CROCC: variants seen among roughly 807,000 people sequenced by gnomAD.
CROCC encodes ciliary rootlet coiled-coil, rootletin.
CROCC carries 180 observed loss-of-function variants against 245.2 expected under a neutral mutation model. The ratio of observed to expected loss-of-function variants is 0.73; its 90% CI spans 0.65 to 0.83. CROCC has a LOEUF of 0.83. Ranked by LOEUF, CROCC falls within the 40% of genes least tolerant of loss-of-function variation. The probability of loss-of-function intolerance (pLI) is 0.00; values close to 1 mark genes in which losing one functional copy is unlikely to be tolerated. For missense variants in CROCC, 2,688 were observed against 2,779.4 expected, an observed-to-expected ratio of 0.97 and a Z score of 0.74; for synonymous variants, 1,205 against 1,241.6, an observed-to-expected ratio of 0.97 and a Z score of 0.62.
intron 1 of CROCC, among the ~76,000 whole-genome samples, 186 bp downstream of exon 1, chr1:16,922,264 C>T (rs1341493778): frequency 6.6e-6 from 1 of 152,248 alleles, no homozygotes; most frequent in East Asian, 1.9e-4. Flanking sequence ...CAGGGTGCAC[C>T]TGCTGTGGCT....
At position 16,953,523 on chromosome 1, in the gene CROCC, C is replaced by T. The variant is rs373561650; in HGVS notation, c.3186+42C>T. On this transcript the variant is annotated intron_variant, in intron 21 of 36. Coordinates refer to ENST00000375541, the MANE Select transcript of CROCC (RefSeq NM_014675.5). ...ATGGCCTCTGCTGCTCTCTGAGCTG[C>T]TCCAGTTCTGGGGCCGGGCCCTGCT... The T allele has an allele frequency of 3.2e-4, 490 of 1,543,332 alleles. No individual in the cohort carries two copies. In the East Asian group the frequency reaches 4.9e-3, roughly 15 times the overall value.
intron 31 of CROCC, among the ~76,000 whole-genome samples, chr1:16,968,716 A>G (rs934203904): frequency 5.3e-5 from 8 of 152,242 alleles, no homozygotes; most frequent in African/African-American, 1.9e-4. Flanking sequence ...CTTGACTGCT[A>G]GGAAGCTCAG....
chr1:16,963,562 C>A (rs2076368121), intron 27 of CROCC, among the ~76,000 whole-genome samples: 1 of 152,154 alleles, frequency 6.6e-6, no homozygotes, highest in Non-Finnish European at 1.5e-5. Flanking sequence ...TGACCAAGTT[C>A]ATGGCTGCGG....
rs151015265 is a variant in CROCC at position 16,958,654 on chromosome 1, G to A, written c.3936G>A (p.Leu1312=). Residue 1312 remains leucine, a synonymous_variant, in exon 26 of 37, where the codon CTG becomes CTA. Coordinates refer to ENST00000375541, the MANE Select transcript of CROCC (RefSeq NM_014675.5). ...ELAELQGRLA[L]GERAEKESRR... The stretch of plus-strand genomic sequence containing the variant: ...CGGAGCTGCAGGGCCGCCTGGCGCT[G>A]GGCGAGCGGGCAGAGAAGGAGAGCA... 1.3e-4 allele frequency: 199 copies of A among 1,555,616 alleles called. 1 individual carries two copies. In the Middle Eastern group the frequency reaches 2.7e-3, roughly 21 times the overall value.
chr1:16,946,511 T>C, intron 16 of CROCC, 106 bp downstream of exon 16: 1 of 1,450,800 alleles, frequency 6.9e-7, no homozygotes, highest in Non-Finnish European at 9.4e-7. Flanking sequence ...TGCCTCCCTT[T>C]CTGTCCCTGG....
Position 16,971,505 on chromosome 1 carries a change from A to C in CROCC, c.5825A>C (p.Gln1942Pro). The C allele has an allele frequency of 6.5e-7, 1 of 1,537,156 alleles. No homozygotes were observed. The highest frequency in any genetic ancestry group is 8.7e-7 in the Non-Finnish European group (1 of 1,146,460). Reference sequence around the variant, plus strand: ...CTGGAGCAGAGCCACAGCCCGGCCCAGCTGGAGGTGGATGCGCAGCAGCAG... The same window carrying C: ...CTGGAGCAGAGCCACAGCCCGGCCCCGCTGGAGGTGGATGCGCAGCAGCAG... Reference protein sequence around the residue: ...VVLEQSHSPAQLEVDAQQQQL... With the variant: ...VVLEQSHSPAPLEVDAQQQQL... Residue 1942 changes from glutamine (Q) to proline (P), a missense_variant, in exon 36 of 37, where the codon CAG becomes CCG. Physicochemically the swap from Gln to Pro is moderately conservative, Grantham distance 76. This residue lies in a region of CROCC where 1,218 missense variants were observed against 1,286.3 expected (regional missense o/e 0.95). Coordinates refer to ENST00000375541, the MANE Select transcript of CROCC (RefSeq NM_014675.5).
At chr1:16,945,232 CA>C (rs1358134399) in intron 14 of CROCC, among the ~76,000 whole-genome samples, 1 of 152,240 alleles carries the variant, frequency 6.6e-6, no homozygotes, top group Non-Finnish European at 1.5e-5. Flanking sequence ...GACTGTGTCT[CA>C]AAAAAACAAA....
chr1:16,924,361 C>A lies in CROCC; in HGVS notation c.233C>A (p.Ser78Ter). The A allele has an allele frequency of 6.2e-7, 1 of 1,613,164 alleles. No individual in the cohort carries two copies. The highest frequency in any genetic ancestry group is 1.1e-5 in the South Asian group (1 of 91,032). The change falls in exon 3 of 37, where the codon TCG (serine) becomes TAG (stop). Residue 78 changes from serine to a stop codon, truncating the protein, a stop_gained. Coordinates refer to ENST00000375541, the MANE Select transcript of CROCC (RefSeq NM_014675.5). LOFTEE classifies it high-confidence loss of function. ...GCCACAGAGATGGCATCGCTGCTGTCGCTGCAGGAGGAGAACCAGCTGCTG... is the reference window on the plus strand; with the variant it reads ...GCCACAGAGATGGCATCGCTGCTGTAGCTGCAGGAGGAGAACCAGCTGCTG... ...LPATEMASLL[S>*]LQEENQLLQQ...
chr1:16,919,749 TTTG>T (rs1456738782), upstream of CROCC, among the ~76,000 whole-genome samples: 1 of 152,276 alleles, frequency 6.6e-6, no homozygotes, highest in Non-Finnish European at 1.5e-5. Context: ...GTCGCATTTT[TTTG>T]TTGTTTTTGG....
rs2100477137 is a variant in CROCC at position 16,948,935 on chromosome 1, G to A, written c.2836+9G>A. On this transcript the variant is annotated intron_variant, in intron 19 of 36. Coordinates refer to ENST00000375541, the MANE Select transcript of CROCC (RefSeq NM_014675.5). ...CAAGGAGACCCTGACTGGTACGAGG[G>A]GCTGGGGACTTGGGGGGAACACCAG... is the stretch of plus-strand genomic sequence containing the variant. The A allele has an allele frequency of 6.2e-7, 1 of 1,610,794 alleles. No individual in the cohort carries two copies. The highest frequency in any genetic ancestry group is 1.1e-5 in the South Asian group (1 of 90,866).
At position 16,926,306 on chromosome 1, in the gene CROCC, T is replaced by C. The variant is rs557551624; in HGVS notation, c.351+1827T>C. On this transcript the variant is annotated intron_variant, in intron 3 of 36. Coordinates refer to ENST00000375541, the MANE Select transcript of CROCC (RefSeq NM_014675.5). ...AGCCTAGAGATCACCTCATCACAGA[T>C]AGGGAAAGTAAGTCCGGGAGAGGGG... Among the ~76,000 whole-genome samples, 50 of 152,340 alleles carry C rather than the reference T, an allele frequency of 3.3e-4. No homozygotes were observed. In the South Asian group the frequency reaches 0.01, roughly 31 times the overall value.
rs112460140 is a variant in CROCC at position 16,968,651 on chromosome 1, T to C, written c.5076+233T>C. 8.1e-3 allele frequency among the ~76,000 whole-genome samples: 1,232 copies of C among 152,320 alleles called. 20 individuals are homozygous for C. Among genetic ancestry groups the C allele is most frequent in the African/African-American group, 0.028 (1,181 of 41,578 alleles). ...TATTTGATGACAGCATCTGCATACA[T>C]AGGAGTCATCTGGGACAAGTTAGAG... is the stretch of plus-strand genomic sequence containing the variant. On this transcript the variant is annotated intron_variant, in intron 31 of 36. Coordinates refer to ENST00000375541, the MANE Select transcript of CROCC (RefSeq NM_014675.5).
At chr1:16,930,382 G>T in intron 6 of CROCC, 35 bp downstream of exon 6, 10 of 1,610,974 alleles carry the variant, frequency 6.2e-6, no homozygotes, top group Non-Finnish European at 8.5e-6. Context: ...GGGCTGGCAG[G>T]ATGGCCCCCT....
Position 16,954,318 on chromosome 1 carries a change from G to A in CROCC, c.3282G>A (p.Arg1094=). Residue 1094 remains arginine, a synonymous_variant, in exon 22 of 37, where the codon CGG becomes CGA. Coordinates refer to ENST00000375541, the MANE Select transcript of CROCC (RefSeq NM_014675.5). This position sits in a 1 kb window ranked among gnomAD's most constrained non-coding sequence, Gnocchi z 4.4. ...CCACCATCTCCCTGGAGATGGAGCG[G>A]CAGAAACGAGATGCCCAGAGCCGGC... is the stretch of plus-strand genomic sequence containing the variant. The part of the protein sequence containing the change: ...SLATISLEME[R]QKRDAQSRQE... The A allele has an allele frequency of 6.2e-7, 1 of 1,612,062 alleles. No individual in the cohort carries two copies. Among genetic ancestry groups the A allele is most frequent in the Non-Finnish European group, 8.5e-7 (1 of 1,179,926 alleles).
chr1:16,960,675 G>A, intron 26 of CROCC, 83 bp from the exon 27 acceptor site: 1 of 1,372,016 alleles, frequency 7.3e-7, no homozygotes, highest in Non-Finnish European at 9.4e-7. Context: ...AGTCAGGGAT[G>A]GTGGGCTCCA....
Position 16,944,152 on chromosome 1 carries a change from GAGCTGCGGCAGGAGCGGGAGA to G in CROCC, c.1868_1888del (p.Arg623_Leu629del). 6.4e-7 allele frequency: 1 copy of G among 1,560,192 alleles called. No homozygotes were observed. Among genetic ancestry groups the G allele is most frequent in the East Asian group, 2.3e-5 (1 of 42,648 alleles). ...GCAGGTGGCCCAGCAGCAGGCCGAG[GAGCTGCGGCAGGAGCGGGAGA>G]AGCTGCAGGCTGCCCAGGAGGAGCT... On this transcript the variant is annotated inframe_deletion, in exon 14 of 37. Transcript: ENST00000375541.
At chr1:16,955,585 C>T in intron 24 of CROCC, 35 bp downstream of exon 24, 2 of 1,448,552 alleles carry the variant, frequency 1.4e-6, no homozygotes, top group Non-Finnish European at 1.8e-6. Context: ...CCTGAGTCCT[C>T]ATGGGATCCC....
intron 2 of CROCC, 54 bp from the exon 3 acceptor site, chr1:16,924,271 G>C (rs1322930440): frequency 1.3e-6 from 2 of 1,589,816 alleles, no homozygotes; most frequent in East Asian, 4.5e-5. Context: ...CTGTTGGGGG[G>C]AGGATGTCCC....
At chr1:16,935,111 G>T (rs1419645912) in intron 8 of CROCC, among the ~76,000 whole-genome samples, 1 of 152,152 alleles carries the variant, frequency 6.6e-6, no homozygotes, top group Non-Finnish European at 1.5e-5. Flanking sequence ...TGTTGGCCAG[G>T]CTGGTCTTGA....
Sources: allele counts gnomAD v4.1 joint callset (sites outside exome capture counted in the v4.1 genomes callset), GRCh38; gene constraint gnomAD v4.1.1; regional missense constraint gnomAD v4.1.1; non-coding constraint Gnocchi (gnomAD v3.1); transcripts MANE v1.5; gene names NCBI Gene and HGNC (gene_info 2026-07-23, HGNC 2026-07-21).